Variants in ZC3H12C observed in about 807,000 individuals in gnomAD.
The protein encoded by ZC3H12C is probable ribonuclease ZC3H12C.
Under a neutral mutation model 76.3 loss-of-function variants are expected in ZC3H12C, and 20 were observed. The ratio of observed to expected loss-of-function variants is 0.26; its 90% CI spans 0.18 to 0.38. The LOEUF is 0.38. Ranked by LOEUF, ZC3H12C falls within the 10% of genes least tolerant of loss-of-function variation. The pLI, the probability that ZC3H12C is intolerant of heterozygous loss-of-function variation, is 1.00. For synonymous variants in ZC3H12C, 352 were observed against 399.6 expected (o/e 0.88, Z 1.42); for missense variants, 874 against 1,086.5 (o/e 0.80, Z 2.75).
At chr11:110,103,613 G>GTT (rs889556854) in intron 1 of ZC3H12C, among the ~76,000 whole-genome samples, 2 of 138,070 alleles carry the variant, frequency 1.4e-5, no homozygotes, top group Non-Finnish European at 1.6e-5. Flanking sequence ...GTTTTTTTTT[G>GTT]TTTTTTTTTT....
intron 2 of ZC3H12C, among the ~76,000 whole-genome samples, chr11:110,149,003 T>G (rs1202402852): frequency 6.6e-6 from 1 of 152,186 alleles, no homozygotes; most frequent in Admixed American, 6.5e-5. Context: ...ACATCCTTCA[T>G]CATGCGTCAG....
At chr11:110,142,546 A>G (rs1483337392) in intron 2 of ZC3H12C, among the ~76,000 whole-genome samples, 3 of 152,178 alleles carry the variant, frequency 2.0e-5, no homozygotes. Context: ...TAGACCTTAT[A>G]TGGCGAAGGA....
chr11:110,143,620 C>A (rs1257846948), intron 2 of ZC3H12C, among the ~76,000 whole-genome samples: 1 of 151,854 alleles, frequency 6.6e-6, no homozygotes, highest in South Asian at 2.1e-4. Context: ...ACTAAAGATT[C>A]AAGTATGATT....
chr11:110,100,690 G>T (rs1279799947), intron 1 of ZC3H12C, among the ~76,000 whole-genome samples: 1 of 152,142 alleles, frequency 6.6e-6, no homozygotes, highest in Non-Finnish European at 1.5e-5. Context: ...ATAGAAGATG[G>T]TAAACAATCA....
chr11:110,108,149 T>A (rs141982370), intron 1 of ZC3H12C, among the ~76,000 whole-genome samples: 1,737 of 151,964 alleles, frequency 0.011, 12 homozygotes, highest in Non-Finnish European at 0.018. Flanking sequence ...AGAGATGAGG[T>A]CTCAGTGTGT....
Position 110,169,779 on chromosome 11 carries a change from C to G in ZC3H12C, c.*4042C>G, listed in dbSNP as rs1405897390. The G allele has an allele frequency of 6.6e-6, 1 of 152,136 alleles. No homozygotes were observed. The highest frequency in any genetic ancestry group is 1.5e-5 in the Non-Finnish European group (1 of 68,002). The allele number at this position is 152,136 out of a possible 1,614,324, so 9.4% of individuals were successfully genotyped here. A position where few individuals can be genotyped will look rare whatever the true frequency, so the allele number is the denominator to read the frequency against. On this transcript the variant is annotated 3_prime_UTR_variant, in exon 6 of 6. Coordinates refer to ENST00000278590, the MANE Select transcript of ZC3H12C (RefSeq NM_033390.2). ...TAAAGAAACATACACTATCTTAGCC[C>G]CCTAGGGCAGGGGTTGACTTTTTCT...
chr11:110,138,011 C>T (rs1436705318), intron 2 of ZC3H12C, among the ~76,000 whole-genome samples: 2 of 151,980 alleles, frequency 1.3e-5, no homozygotes, highest in East Asian at 3.9e-4. Flanking sequence ...CCCAACACTT[C>T]GAGAGGTCAA....
intron 1 of ZC3H12C, among the ~76,000 whole-genome samples, chr11:110,125,860 T>C (rs1228311817): frequency 6.6e-6 from 1 of 151,970 alleles, no homozygotes; most frequent in African/African-American, 2.4e-5. Context: ...ATTTGAACCT[T>C]GAATGGAGAA....
chr11:110,112,457 C>G (rs1308156182), intron 1 of ZC3H12C, among the ~76,000 whole-genome samples: 18 of 152,208 alleles, frequency 1.2e-4, no homozygotes, highest in Admixed American at 1.2e-3. Context: ...TCCCAAAGTG[C>G]TGGGATTATA....
At chr11:110,133,908 A>G (rs1338591266) in intron 1 of ZC3H12C, among the ~76,000 whole-genome samples, 1 of 152,186 alleles carries the variant, frequency 6.6e-6, no homozygotes, top group Non-Finnish European at 1.5e-5. Flanking sequence ...TGTGAAAATA[A>G]TTTCACTTAT....
At chr11:110,113,477 A>G (rs1021070830) in intron 1 of ZC3H12C, among the ~76,000 whole-genome samples, 1 of 152,244 alleles carries the variant, frequency 6.6e-6, no homozygotes, top group Admixed American at 6.5e-5. Flanking sequence ...ACTGTACCAC[A>G]ATTTTTAATA....
At chr11:110,141,540 T>C (rs1591477940) in intron 2 of ZC3H12C, among the ~76,000 whole-genome samples, 1 of 152,202 alleles carries the variant, frequency 6.6e-6, no homozygotes, top group Non-Finnish European at 1.5e-5. Context: ...TGCCTGGTTA[T>C]CATTTAAGTA....
intron 1 of ZC3H12C, among the ~76,000 whole-genome samples, chr11:110,110,780 A>G (rs17645205): frequency 0.072 from 10,895 of 152,266 alleles, 546 homozygotes; most frequent in Non-Finnish European, 0.11. Context: ...GGAATAGAAC[A>G]TAAGTAGGGA....
At chr11:110,163,811 G>A (rs1315479323) in intron 5 of ZC3H12C, among the ~76,000 whole-genome samples, 1 of 152,092 alleles carries the variant, frequency 6.6e-6, no homozygotes, top group Non-Finnish European at 1.5e-5. Context: ...CAAAAGTTCT[G>A]GAAGTGGCTG....
chr11:110,126,010 T>C (rs1471055081), intron 1 of ZC3H12C, among the ~76,000 whole-genome samples: 1 of 152,190 alleles, frequency 6.6e-6, no homozygotes, highest in Non-Finnish European at 1.5e-5. Flanking sequence ...AGCTCCTTCG[T>C]GTTCTTCCAG....
At chr11:110,122,389 C>T (rs921598900) in intron 1 of ZC3H12C, among the ~76,000 whole-genome samples, 1 of 151,966 alleles carries the variant, frequency 6.6e-6, no homozygotes, top group African/African-American at 2.4e-5. Context: ...AATATAACCA[C>T]GAGTGTATTT....
At position 110,170,575 on chromosome 11, in the gene ZC3H12C, A is replaced by T. The variant is rs1862659544; in HGVS notation, c.*4838A>T. The T allele has an allele frequency of 6.6e-6, 1 of 152,232 alleles. No individual in the cohort carries two copies. Among genetic ancestry groups the T allele is most frequent in the Admixed American group, 6.5e-5 (1 of 15,280 alleles). 9.4% of individuals were successfully genotyped at this position (152,232 alleles called of 1,614,324 possible). A position where few individuals can be genotyped will look rare whatever the true frequency, so the allele number is the denominator to read the frequency against. ...AATGTAACTCTTTATGAGAAATAAA[A>T]TGTATCTCTGCTTTGTCTGTCCAGA... On this transcript the variant is annotated 3_prime_UTR_variant, in exon 6 of 6. Coordinates refer to ENST00000278590, the MANE Select transcript of ZC3H12C (RefSeq NM_033390.2).
intron 1 of ZC3H12C, among the ~76,000 whole-genome samples, chr11:110,109,865 G>C (rs1158890390): frequency 6.6e-6 from 1 of 152,104 alleles, no homozygotes; most frequent in East Asian, 1.9e-4. Flanking sequence ...ATTTTTAGAT[G>C]GTTGGCTGGT....
At position 110,136,735 on chromosome 11, in the gene ZC3H12C, A is replaced by G. The variant is rs1331199142; in HGVS notation, c.94A>G (p.Met32Val). The G allele has an allele frequency of 6.2e-7, 1 of 1,613,884 alleles. No homozygotes were observed. The highest frequency in any genetic ancestry group is 2.2e-5 in the East Asian group (1 of 44,896). Residue 32 changes from methionine (M) to valine (V), a missense_variant, in exon 2 of 6, where the codon ATG becomes GTG. Around this residue, in one of 3 missense-constraint regions of ZC3H12C, gnomAD observed 210 missense variants for 227.1 expected, o/e 0.92. Coordinates refer to ENST00000278590, the MANE Select transcript of ZC3H12C (RefSeq NM_033390.2). ...KVESSTRNNF[M>V]GLKDHLGHDL... ...GGAGTCAAGTACACGTAACAACTTC[A>G]TGGGCTTGAAGGATCACCTAGGGCA... is the stretch of plus-strand genomic sequence containing the variant.
Sources: allele counts gnomAD v4.1 joint callset (sites outside exome capture counted in the v4.1 genomes callset), GRCh38; gene constraint gnomAD v4.1.1; regional missense constraint gnomAD v4.1.1; transcripts MANE v1.5; gene names NCBI Gene and HGNC (gene_info 2026-07-23, HGNC 2026-07-21).